The following ZC3H12C variants were observed in gnomAD, a reference collection of about 807,000 sequenced individuals.
The protein encoded by ZC3H12C is probable ribonuclease ZC3H12C.
ZC3H12C carries 20 observed loss-of-function variants against 76.3 expected under a neutral mutation model. That is an observed-to-expected ratio of 0.26 (90% CI 0.18 to 0.38). The LOEUF (loss-of-function observed/expected upper bound fraction) is 0.38, where lower values mean the gene tolerates loss of function less well. ZC3H12C is among the 10% of genes least tolerant of loss of function. The pLI is 1.00. For synonymous variants in ZC3H12C, 352 were observed against 399.6 expected (o/e 0.88, Z 1.42); for missense variants, 874 against 1,086.5 (o/e 0.80, Z 2.75).
chr11:110,148,076 C>T (rs1421771145), intron 2 of ZC3H12C, among the ~76,000 whole-genome samples: 1 of 152,196 alleles, frequency 6.6e-6, no homozygotes, highest in Non-Finnish European at 1.5e-5. Context: ...AGAAAGAGGT[C>T]AAGAACCTGG....
intron 1 of ZC3H12C, among the ~76,000 whole-genome samples, chr11:110,097,935 G>A (rs979328597): frequency 6.6e-6 from 1 of 152,148 alleles, no homozygotes; most frequent in Non-Finnish European, 1.5e-5. Context: ...ATGGTAGAAG[G>A]ATAATGAACG....
intron 1 of ZC3H12C, among the ~76,000 whole-genome samples, chr11:110,093,753 C>G (rs1054070128): frequency 3.9e-5 from 6 of 152,206 alleles, no homozygotes; most frequent in South Asian, 2.1e-4. Context: ...CCCGCCCGCC[C>G]GGGGGCATAG....
intron 2 of ZC3H12C, among the ~76,000 whole-genome samples, chr11:110,138,147 A>G (rs190744879): frequency 4.7e-4 from 72 of 152,122 alleles, no homozygotes; most frequent in Admixed American, 2.7e-3. Context: ...TTTTTGTGTG[A>G]TTTTGATGGC....
At chr11:110,158,461 G>A (rs1000132122) in intron 3 of ZC3H12C, among the ~76,000 whole-genome samples, 2 of 151,428 alleles carry the variant, frequency 1.3e-5, no homozygotes, top group African/African-American at 4.9e-5. Flanking sequence ...AGTGAGCCAA[G>A]ATCACACCAC....
chr11:110,102,426 T>A (rs1302790759), intron 1 of ZC3H12C, among the ~76,000 whole-genome samples: 2 of 151,870 alleles, frequency 1.3e-5, no homozygotes, highest in Non-Finnish European at 2.9e-5. Flanking sequence ...AGAACTAGAA[T>A]TAGAAGTGGA....
At position 110,136,779 on chromosome 11, in the gene ZC3H12C, T is replaced by C. The variant is rs972730291; in HGVS notation, c.138T>C (p.Tyr46=). The C allele has an allele frequency of 6.2e-7, 1 of 1,613,880 alleles. No homozygotes were observed. Among genetic ancestry groups the C allele is most frequent in the African/African-American group, 1.3e-5 (1 of 74,938 alleles). The stretch of plus-strand genomic sequence containing the variant: ...TAGGGCATGACCTCGGCCACCTTTA[T>C]GTGGAGAGCACTGACCCACAGTTAA... ...DHLGHDLGHL[Y]VESTDPQLSP... is the part of the protein sequence containing the mutation. Residue 46 remains tyrosine, a synonymous_variant, in exon 2 of 6, where the codon TAT becomes TAC. Transcript: ENST00000278590.
intron 1 of ZC3H12C, among the ~76,000 whole-genome samples, chr11:110,121,355 CG>C (rs1861647962): frequency 6.6e-6 from 1 of 152,166 alleles, no homozygotes; most frequent in South Asian, 2.1e-4. Context: ...ACAAGAATCC[CG>C]GCCCCGTTAG....
chr11:110,164,844 A>G lies in ZC3H12C; in HGVS notation c.1759A>G (p.Ile587Val). ...TCCAAAATGTGACTCACCTGTCGAC[A>G]TCGGATATTATTCCATGTTGAATGC... ...QYPKCDSPVD[I>V]GYYSMLNAYS... Residue 587 changes from isoleucine to valine, a missense_variant, in exon 6 of 6, where the codon ATC becomes GTC. Ile to Val is a conservative substitution (Grantham distance 29). Transcript: ENST00000278590. This position sits in a 1 kb window ranked among gnomAD's most constrained non-coding sequence, Gnocchi z 5.7. 3 of 1,614,046 alleles carry G rather than the reference A, an allele frequency of 1.9e-6. No homozygotes were observed. Among genetic ancestry groups the G allele is most frequent in the Non-Finnish European group, 2.5e-6 (3 of 1,179,896 alleles).
chr11:110,146,620 T>C (rs971985147), intron 2 of ZC3H12C, among the ~76,000 whole-genome samples: 1 of 152,246 alleles, frequency 6.6e-6, no homozygotes, highest in Non-Finnish European at 1.5e-5. Context: ...TAGTGACCTA[T>C]TGACTTTTCA....
chr11:110,165,946 T>A lies in ZC3H12C; in HGVS notation c.*209T>A, dbSNP rs1591489590. 2.0e-6 allele frequency: 1 copy of A among 510,328 alleles called. No homozygotes were observed. Among genetic ancestry groups the A allele is most frequent in the Non-Finnish European group, 3.3e-6 (1 of 298,972 alleles). 31.6% of individuals were successfully genotyped at this position (510,328 alleles called of 1,614,324 possible). Reference sequence around the variant, plus strand: ...GCTTTACATTTAAACTTTTTTTTTTTAACATTTCCTTTTTAAAGCTATATC... The same window carrying A: ...GCTTTACATTTAAACTTTTTTTTTTAAACATTTCCTTTTTAAAGCTATATC... On this transcript the variant is annotated 3_prime_UTR_variant, in exon 6 of 6. Coordinates refer to ENST00000278590, the MANE Select transcript of ZC3H12C (RefSeq NM_033390.2).
At chr11:110,153,769 A>C (rs1862320358) in intron 3 of ZC3H12C, among the ~76,000 whole-genome samples, 1 of 152,254 alleles carries the variant, frequency 6.6e-6, no homozygotes, top group Admixed American at 6.5e-5. Context: ...TAATAACAAC[A>C]GTTCAAAAAA....
At chr11:110,100,264 C>A (rs7123779) in intron 1 of ZC3H12C, among the ~76,000 whole-genome samples, 1 of 143,760 alleles carries the variant, frequency 7.0e-6, no homozygotes, top group Non-Finnish European at 1.5e-5. Context: ...AGGCCAGTCT[C>A]GAACTCCTGG....
rs1212157432 is a variant in ZC3H12C at position 110,166,291 on chromosome 11, CTT to C, written c.*556_*557del. Reference sequence around the variant, plus strand: ...AAACAAAGTTATACTACAGCACTGACTTTATATTTTAAACAGAATGTAAGTTA... The same window carrying C: ...AAACAAAGTTATACTACAGCACTGACTATATTTTAAACAGAATGTAAGTTA... On this transcript the variant is annotated 3_prime_UTR_variant, in exon 6 of 6. Transcript: ENST00000278590. 1 of 152,446 alleles carries C rather than the reference CTT, an allele frequency of 6.6e-6. No homozygotes were observed. Among genetic ancestry groups the C allele is most frequent in the Non-Finnish European group, 1.5e-5 (1 of 68,392 alleles). The allele number at this position is 152,446 out of a possible 1,614,324, so 9.4% of individuals were successfully genotyped here.
At chr11:110,106,472 G>A (rs1861330539) in intron 1 of ZC3H12C, among the ~76,000 whole-genome samples, 1 of 152,214 alleles carries the variant, frequency 6.6e-6, no homozygotes, top group Non-Finnish European at 1.5e-5. Context: ...AGTTCCTGCT[G>A]TGACACTTGG....
At chr11:110,160,886 G>T (rs755778541) in intron 4 of ZC3H12C, among the ~76,000 whole-genome samples, 2 of 152,084 alleles carry the variant, frequency 1.3e-5, no homozygotes, top group African/African-American at 2.4e-5. Context: ...GCCCAAGCTG[G>T]AGTGCAGTGG....
At chr11:110,104,930 G>T (rs2187390) in intron 1 of ZC3H12C, among the ~76,000 whole-genome samples, 107,366 of 152,110 alleles carry the variant, frequency 0.71, 38,173 homozygotes, top group East Asian at 0.89. Flanking sequence ...CAAAATCAAG[G>T]TCACTTTTAT....
In ZC3H12C at chr11:110,170,299, G is replaced by GT. The variant is rs1380152404; in HGVS notation, c.*4568dup. ...AATGGGAATCCCTTACCAACCTTTT[G>GT]TTTTTTAAAAGTCTCATAGACCAAA... On this transcript the variant is annotated 3_prime_UTR_variant, in exon 6 of 6. Transcript: ENST00000278590. The GT allele has an allele frequency of 2.0e-5, 3 of 151,978 alleles. No homozygotes were observed. Among genetic ancestry groups the GT allele is most frequent in the African/African-American group, 7.2e-5 (3 of 41,402 alleles). 9.4% of individuals were successfully genotyped at this position (151,978 alleles called of 1,614,324 possible). A position where few individuals can be genotyped will look rare whatever the true frequency, so the allele number is the denominator to read the frequency against.
intron 3 of ZC3H12C, among the ~76,000 whole-genome samples, chr11:110,153,750 G>C (rs1392621750): frequency 6.6e-6 from 1 of 152,196 alleles, no homozygotes; most frequent in Non-Finnish European, 1.5e-5. Context: ...TTAGGTGGCA[G>C]TCAGATTCTA....
intron 1 of ZC3H12C, among the ~76,000 whole-genome samples, chr11:110,102,187 A>G (rs1490707147): frequency 6.6e-6 from 1 of 150,522 alleles, no homozygotes; most frequent in African/African-American, 2.5e-5. Flanking sequence ...CAGCTGCCGT[A>G]GATAGTGATT....
Sources: gnomAD v4.1 joint callset for allele counts (sites outside exome capture counted in the v4.1 genomes callset) on GRCh38, gnomAD v4.1.1 for gene constraint, Gnocchi (gnomAD v3.1) non-coding constraint, MANE v1.5 for transcripts, NCBI Gene and HGNC (gene_info 2026-07-23, HGNC 2026-07-21) for gene names.